CSGALNACT2: variants seen among roughly 807,000 people sequenced by gnomAD.
The protein encoded by CSGALNACT2 is beta 4 GalNAcT-2.
In CSGALNACT2, 35 loss-of-function variants were observed where a neutral mutation model predicts 55.3. The ratio of observed to expected loss-of-function variants is 0.63; its 90% CI spans 0.48 to 0.84. The LOEUF (loss-of-function observed/expected upper bound fraction) is 0.84, where lower values mean the gene tolerates loss of function less well. Among genes scored for constraint, CSGALNACT2 ranks in the 40% least tolerant of loss-of-function variants. The pLI, the probability that CSGALNACT2 is intolerant of heterozygous loss-of-function variation, is 0.00. For missense variants in CSGALNACT2, 544 were observed against 657.5 expected (o/e 0.83, Z 1.89); for synonymous variants, 196 against 224.9 (o/e 0.87, Z 1.15).
At chr10:43,171,287 TAAAAC>T (rs1407227900) in intron 6 of CSGALNACT2, among the ~76,000 whole-genome samples, 2 of 151,542 alleles carry the variant, frequency 1.3e-5, no homozygotes, top group African/African-American at 2.4e-5. Flanking sequence ...TAAAATTAAT[TAAAAC>T]AAAAAGAGGC....
intron 1 of CSGALNACT2, among the ~76,000 whole-genome samples, 176 bp from the exon 2 acceptor site, chr10:43,154,721 C>A (rs1183935462): frequency 6.9e-5 from 10 of 145,826 alleles, no homozygotes; most frequent in African/African-American, 2.5e-4. Flanking sequence ...AGTGAGACTC[C>A]ATCTCAAAAA....
chr10:43,153,286 G>C (rs1261233147), intron 1 of CSGALNACT2, among the ~76,000 whole-genome samples: 1 of 132,470 alleles, frequency 7.5e-6, no homozygotes, highest in African/African-American at 3.0e-5. Context: ...AGCGAGCCAA[G>C]ATCGCGCCAC....
chr10:43,154,957 G>A lies in CSGALNACT2; in HGVS notation c.-193G>A. 1 of 567,642 alleles carries A rather than the reference G, an allele frequency of 1.8e-6. No individual in the cohort carries two copies. The highest frequency in any genetic ancestry group is 3.3e-5 in the Admixed American group (1 of 30,564). The allele number at this position is 567,642 out of a possible 1,614,324, so 35.2% of individuals were successfully genotyped here. ...AGATTGCTTTATTCTGGATATCATGGTAACAATACAGAAAGTATACATAAT... is the reference window on the plus strand; with the variant it reads ...AGATTGCTTTATTCTGGATATCATGATAACAATACAGAAAGTATACATAAT... On this transcript the variant is annotated 5_prime_UTR_variant, in exon 2 of 8. The change creates a premature stop within an existing upstream ORF in the 5' untranslated region. Coordinates refer to ENST00000374466, the MANE Select transcript of CSGALNACT2 (RefSeq NM_018590.5).
intron 7 of CSGALNACT2, among the ~76,000 whole-genome samples, chr10:43,177,442 C>A (rs1303688975): frequency 6.6e-6 from 1 of 152,316 alleles, no homozygotes; most frequent in Middle Eastern, 3.4e-3. Context: ...CTCTTTCCCC[C>A]CAAACTTAGG....
chr10:43,146,106 G>A (rs184494518), intron 1 of CSGALNACT2, among the ~76,000 whole-genome samples: 1 of 152,252 alleles, frequency 6.6e-6, no homozygotes, highest in Non-Finnish European at 1.5e-5. Context: ...TTATTAAGGA[G>A]AATTGACTCA....
intron 7 of CSGALNACT2, among the ~76,000 whole-genome samples, chr10:43,176,714 ACCACC>A (rs1839487756): frequency 6.6e-6 from 1 of 152,180 alleles, no homozygotes; most frequent in Non-Finnish European, 1.5e-5. Flanking sequence ...ACAGGCGTGC[ACCACC>A]ACACCCAGTT....
chr10:43,166,515 C>A (rs1029097523), intron 5 of CSGALNACT2, among the ~76,000 whole-genome samples: 2 of 152,232 alleles, frequency 1.3e-5, no homozygotes, highest in African/African-American at 4.8e-5. Flanking sequence ...GTCTTCCCGA[C>A]TTTTCCAGAT....
chr10:43,177,451 G>C (rs1839502574), intron 7 of CSGALNACT2, among the ~76,000 whole-genome samples: 1 of 151,990 alleles, frequency 6.6e-6, no homozygotes, highest in Admixed American at 6.5e-5. Context: ...CCCAAACTTA[G>C]GCATCTACTG....
At chr10:43,169,515 A>G (rs1448780306) in intron 6 of CSGALNACT2, among the ~76,000 whole-genome samples, 1 of 152,266 alleles carries the variant, frequency 6.6e-6, no homozygotes, top group African/African-American at 2.4e-5. Context: ...AATGGTCTGA[A>G]TAGCAGAATG....
At chr10:43,152,754 T>G (rs1185541571) in intron 1 of CSGALNACT2, among the ~76,000 whole-genome samples, 2 of 152,210 alleles carry the variant, frequency 1.3e-5, no homozygotes, top group African/African-American at 2.4e-5. Context: ...CTTAAGTATG[T>G]ATATCTTTAT....
At chr10:43,151,664 C>G (rs1351086066) in intron 1 of CSGALNACT2, among the ~76,000 whole-genome samples, 1 of 152,194 alleles carries the variant, frequency 6.6e-6, no homozygotes, top group Non-Finnish European at 1.5e-5. Context: ...CTGTGTGCAG[C>G]TGTATCCACT....
In CSGALNACT2 at chr10:43,160,548, TA is replaced by T; in HGVS notation, c.936del (p.Glu313LysfsTer10). The T allele has an allele frequency of 1.3e-6, 2 of 1,598,802 alleles. No individual in the cohort carries two copies. The highest frequency in any genetic ancestry group is 1.7e-6 in the Non-Finnish European group (2 of 1,166,812). On this transcript the variant is annotated frameshift_variant, in exon 4 of 8. Coordinates refer to ENST00000374466, the MANE Select transcript of CSGALNACT2 (RefSeq NM_018590.5). LOFTEE classifies it high-confidence loss of function. ...TTCATCTCACAGTGGTGTATTTTGG[TA>T]AAGAAGGACTGTCTAAAGTCAAGTC... ...KIHLTVVYFG[K>X]EGLSKVKSIL...
At chr10:43,155,958 A>G (rs1185296037) in intron 2 of CSGALNACT2, 148 bp downstream of exon 2, 2 of 794,014 alleles carry the variant, frequency 2.5e-6, no homozygotes, top group African/African-American at 1.7e-5. Context: ...GTCATTATCC[A>G]CAGTATTAAA....
At chr10:43,150,710 A>C (rs527623860) in intron 1 of CSGALNACT2, among the ~76,000 whole-genome samples, 15 of 152,190 alleles carry the variant, frequency 9.9e-5, no homozygotes, top group East Asian at 5.8e-4. Flanking sequence ...CTTTATGGCT[A>C]TTTGGGATTG....
intron 7 of CSGALNACT2, among the ~76,000 whole-genome samples, chr10:43,177,852 A>T (rs1839510655): frequency 6.6e-6 from 1 of 152,232 alleles, no homozygotes; most frequent in African/African-American, 2.4e-5. Flanking sequence ...CCGTTTTCCA[A>T]AGTGGCTGCA....
chr10:43,139,398 GA>G (rs1838568921), intron 1 of CSGALNACT2, among the ~76,000 whole-genome samples: 1 of 152,156 alleles, frequency 6.6e-6, no homozygotes, highest in Non-Finnish European at 1.5e-5. Context: ...CTAAAAGAAT[GA>G]AAAAAGATGG....
chr10:43,165,083 G>A (rs1839234110), intron 5 of CSGALNACT2, among the ~76,000 whole-genome samples: 1 of 152,056 alleles, frequency 6.6e-6, no homozygotes, highest in African/African-American at 2.4e-5. Context: ...AAATTATCCG[G>A]TCGTGGTGGT....
At chr10:43,165,987 ATGTTTT>A in intron 5 of CSGALNACT2, among the ~76,000 whole-genome samples, 1 of 152,216 alleles carries the variant, frequency 6.6e-6, no homozygotes, top group African/African-American at 2.4e-5. Context: ...AAAAATAAAA[ATGTTTT>A]AAAGAATCTA....
intron 1 of CSGALNACT2, among the ~76,000 whole-genome samples, chr10:43,143,601 C>T (rs1294879944): frequency 6.6e-6 from 1 of 151,742 alleles, no homozygotes; most frequent in African/African-American, 2.4e-5. Context: ...AAAACTGCCT[C>T]ATTTTTGAGA....
Sources: gnomAD v4.1 joint callset for allele counts (sites outside exome capture counted in the v4.1 genomes callset) on GRCh38, gnomAD v4.1.1 for gene constraint, MANE v1.5 for transcripts, NCBI Gene and HGNC (gene_info 2026-07-23, HGNC 2026-07-21) for gene names.